Variants in ADCY3 observed in about 807,000 individuals in gnomAD.
The protein encoded by ADCY3 is adenylate cyclase 3, also known as adenylate cyclase type 3.
Under a neutral mutation model 119.4 loss-of-function variants are expected in ADCY3, and 70 were observed. The observed-to-expected ratio is 0.59, with a 90% CI of 0.48 to 0.72. The LOEUF is 0.72. ADCY3 is among the 30% of genes least tolerant of loss of function. ADCY3 has a pLI of 0.00. For missense variants in ADCY3, 1,238 were observed against 1,541.6 expected, an observed-to-expected ratio of 0.80 and a Z score of 3.30; for synonymous variants, 672 against 621.4, an observed-to-expected ratio of 1.08 and a Z score of -1.21.
intron 13 of ADCY3, among the ~76,000 whole-genome samples, chr2:24,830,177 A>T (rs1206320512): frequency 6.6e-6 from 1 of 150,438 alleles, no homozygotes; most frequent in Non-Finnish European, 1.5e-5. Flanking sequence ...AGTAGCTGGG[A>T]TTACAGGTGT....
intron 16 of ADCY3, 29 bp from the exon 17 acceptor site, chr2:24,824,565 G>A: frequency 1.2e-6 from 2 of 1,609,970 alleles, no homozygotes; most frequent in Admixed American, 1.7e-5. Context: ...CGAGGCATGT[G>A]CTCTAAGCTG....
intron 3 of ADCY3, among the ~76,000 whole-genome samples, chr2:24,847,754 G>T (rs1303814082): frequency 6.6e-6 from 1 of 152,240 alleles, no homozygotes. Flanking sequence ...CTCTAGGAAG[G>T]TTTTCAAGAA....
At position 24,847,976 on chromosome 2, in the gene ADCY3, G is replaced by A. The variant is rs151232399; in HGVS notation, c.826-5592C>T. 5.7e-3 allele frequency among the ~76,000 whole-genome samples: 874 copies of A among 152,304 alleles called. 6 individuals carry two copies. Among genetic ancestry groups the A allele is most frequent in the African/African-American group, 0.02 (827 of 41,568 alleles). On this transcript the variant is annotated intron_variant, in intron 3 of 21. Coordinates refer to ENST00000679454, the MANE Select transcript of ADCY3 (RefSeq NM_004036.5). ...GGCCCTGGTGTGCTTGAGGCTCGCGGGGCAGGAGGAGGCAGCCGTCAGGAT... is the reference window on the plus strand; with the variant it reads ...GGCCCTGGTGTGCTTGAGGCTCGCGAGGCAGGAGGAGGCAGCCGTCAGGAT...
chr2:24,830,269 G>A (rs992278496), intron 13 of ADCY3, among the ~76,000 whole-genome samples: 11 of 152,018 alleles, frequency 7.2e-5, no homozygotes, highest in Middle Eastern at 6.8e-3. Context: ...TCGAACTCCT[G>A]ACCTCGTGAT....
Position 24,918,906 on chromosome 2 carries a change from G to A in ADCY3, c.82C>T (p.Pro28Ser). Reference sequence around the variant, plus strand: ...TGGGTCCGGCCCACCCCGCGGTCAGGGTCGGAGGGCAGGCTGACGGAGTAC... The same window carrying A: ...TGGGTCCGGCCCACCCCGCGGTCAGAGTCGGAGGGCAGGCTGACGGAGTAC... ...AEYSVSLPSD[P>S]DRGVGRTHEI... The change falls in exon 2 of 22, where the codon CCT becomes TCT. Residue 28 changes from proline to serine, a missense_variant. Pro to Ser is a moderately conservative substitution (Grantham distance 74, BLOSUM62 -1). Transcript: ENST00000679454. This position sits in a 1 kb window ranked among gnomAD's most constrained non-coding sequence, Gnocchi z 5.4. 2 of 1,612,816 alleles carry A rather than the reference G, an allele frequency of 1.2e-6. No homozygotes were observed. Among genetic ancestry groups the A allele is most frequent in the Non-Finnish European group, 1.7e-6 (2 of 1,179,998 alleles).
intron 16 of ADCY3, among the ~76,000 whole-genome samples, chr2:24,825,134 G>A (rs2148398293): frequency 6.6e-6 from 1 of 152,222 alleles, no homozygotes; most frequent in Non-Finnish European, 1.5e-5. Flanking sequence ...TGGCAGCAGT[G>A]GGGATCTCCC....
chr2:24,868,610 G>C (rs1054039220), intron 3 of ADCY3, among the ~76,000 whole-genome samples: 1 of 151,090 alleles, frequency 6.6e-6, no homozygotes, highest in African/African-American at 2.4e-5. Context: ...CTCCAGCCTG[G>C]GTAACAGAGC....
At chr2:24,894,056 T>C (rs1168134986) in intron 2 of ADCY3, among the ~76,000 whole-genome samples, 2 of 152,246 alleles carry the variant, frequency 1.3e-5, no homozygotes, top group African/African-American at 4.8e-5. Context: ...GATTTTTGTT[T>C]ACCATTCTAT....
chr2:24,861,021 C>T (rs1395687299), intron 3 of ADCY3, among the ~76,000 whole-genome samples: 6 of 152,204 alleles, frequency 3.9e-5, no homozygotes, highest in East Asian at 3.9e-4. Flanking sequence ...GAGGCCAAGG[C>T]AGGCAGATCA....
In ADCY3 at chr2:24,918,867, G is replaced by T. The variant is rs1558536835; in HGVS notation, c.121C>A (p.Arg41=). 2 of 1,613,134 alleles carry T rather than the reference G, an allele frequency of 1.2e-6. No individual in the cohort carries two copies. The highest frequency in any genetic ancestry group is 1.7e-6 in the Non-Finnish European group (2 of 1,180,000). ...AGGCACAGGCAGGAGCCCGAGTTCC[G>T]GACCGAGATTTCATGGGTCCGGCCC... is the stretch of plus-strand genomic sequence containing the variant. ...GVGRTHEISV[R]NSGSCLCLPR... The change falls in exon 2 of 22, where the codon CGG becomes AGG. Residue 41 remains arginine, a synonymous_variant. Coordinates refer to ENST00000679454, the MANE Select transcript of ADCY3 (RefSeq NM_004036.5). This position sits in a 1 kb window ranked among gnomAD's most constrained non-coding sequence, Gnocchi z 5.4.
At chr2:24,828,654 T>C (rs1040961430) in intron 13 of ADCY3, among the ~76,000 whole-genome samples, 1 of 152,260 alleles carries the variant, frequency 6.6e-6, no homozygotes, top group Non-Finnish European at 1.5e-5. Context: ...GTTCTGCTAC[T>C]GGGCAGATGC....
At position 24,822,498 on chromosome 2, in the gene ADCY3, TG is replaced by T; in HGVS notation, c.3003+12del. On this transcript the variant is annotated intron_variant, in intron 19 of 21. Transcript: ENST00000679454. ...GGCAGAGCCTCATCTCTCTGGCTACTGGGGTTAGCTACCTTGTTGGAGCTGG... is the reference window on the plus strand; with the variant it reads ...GGCAGAGCCTCATCTCTCTGGCTACTGGGTTAGCTACCTTGTTGGAGCTGG... 1 of 1,612,858 alleles carries T rather than the reference TG, an allele frequency of 6.2e-7. No homozygotes were observed. The highest frequency in any genetic ancestry group is 2.2e-5 in the East Asian group (1 of 44,840).
chr2:24,900,175 A>G (rs1678739220), intron 2 of ADCY3, among the ~76,000 whole-genome samples: 1 of 137,606 alleles, frequency 7.3e-6, no homozygotes, highest in Non-Finnish European at 1.5e-5. Flanking sequence ...CAGTGGCGAA[A>G]TCTCGACTCA....
chr2:24,823,406 G>T, intron 17 of ADCY3, 51 bp from the exon 18 acceptor site: 1 of 1,585,220 alleles, frequency 6.3e-7, no homozygotes, highest in Non-Finnish European at 8.6e-7. Flanking sequence ...CTGACTGGAT[G>T]ATGTGTTGGA....
At chr2:24,904,489 C>T (rs920488907) in intron 2 of ADCY3, among the ~76,000 whole-genome samples, 2 of 151,574 alleles carry the variant, frequency 1.3e-5, no homozygotes, top group African/African-American at 4.8e-5. Context: ...CCCCTGCACT[C>T]CAGCCTGAGC....
intron 13 of ADCY3, among the ~76,000 whole-genome samples, chr2:24,830,059 T>G (rs1669249668): frequency 3.5e-5 from 2 of 56,840 alleles, no homozygotes; most frequent in Admixed American, 4.3e-4. Flanking sequence ...TTTTTTTTTT[T>G]TGAGACGGAG....
At chr2:24,828,445 A>G (rs911140259) in intron 13 of ADCY3, among the ~76,000 whole-genome samples, 8 of 152,138 alleles carry the variant, frequency 5.3e-5, no homozygotes, top group South Asian at 2.1e-4. Flanking sequence ...CCCAAACACA[A>G]TTAGCAAGCA....
At chr2:24,859,717 G>A (rs1428772728) in intron 3 of ADCY3, among the ~76,000 whole-genome samples, 1 of 152,196 alleles carries the variant, frequency 6.6e-6, no homozygotes, top group Non-Finnish European at 1.5e-5. Context: ...TGTAAGACCG[G>A]CATGAAGGAA....
chr2:24,834,885 G>C lies in ADCY3; in HGVS notation c.1714C>G (p.Leu572Val), dbSNP rs1373306304. The C allele has an allele frequency of 6.2e-7, 1 of 1,613,856 alleles. No individual in the cohort carries two copies. Among genetic ancestry groups the C allele is most frequent in the Non-Finnish European group, 8.5e-7 (1 of 1,180,004 alleles). ...GAGGCATCCACCACTCGGTCAGCCAGGTCCTGCAGGCGCAGCCTCCGGCGT... is the reference window on the plus strand; with the variant it reads ...GAGGCATCCACCACTCGGTCAGCCACGTCCTGCAGGCGCAGCCTCCGGCGT... ...NPRRRLRLQD[L>V]ADRVVDASED... Residue 572 changes from leucine (L) to valine (V), a missense_variant, in exon 10 of 22, where the codon CTG becomes GTG. Leu to Val is a conservative substitution (Grantham distance 32). This residue lies in a region of ADCY3 where 499 missense variants were observed against 571.0 expected (regional missense o/e 0.87). Transcript: ENST00000679454. This position sits in a 1 kb window ranked among gnomAD's most constrained non-coding sequence, Gnocchi z 4.2.
Sources: allele counts gnomAD v4.1 joint callset (sites outside exome capture counted in the v4.1 genomes callset), GRCh38; gene constraint gnomAD v4.1.1; regional missense constraint gnomAD v4.1.1; non-coding constraint Gnocchi (gnomAD v3.1); transcripts MANE v1.5; gene names NCBI Gene and HGNC (gene_info 2026-07-23, HGNC 2026-07-21).